SUGT1: variants seen among roughly 807,000 people sequenced by gnomAD.
The protein encoded by SUGT1 is protein SGT1 homolog.
Under a neutral mutation model 56.1 loss-of-function variants are expected in SUGT1, and 15 were observed. The observed-to-expected ratio is 0.27, with a 90% CI of 0.18 to 0.41. The LOEUF is 0.41. Among genes scored for constraint, SUGT1 ranks in the 10% least tolerant of loss-of-function variants. The pLI is 1.00. For missense variants in SUGT1, 347 were observed against 382.2 expected, an observed-to-expected ratio of 0.91 and a Z score of 0.77; for synonymous variants, 123 against 128.6, an observed-to-expected ratio of 0.96 and a Z score of 0.30.
chr13:52,681,849 A>AAAG lies in SUGT1; in HGVS notation c.900+1695_900+1696insAGA, dbSNP rs1555274216. ...ACCCTATCTCTTTAAAAAAAAAAAA[A>AAAG]AGAGAGAGAGAGAGATAGAACATTT... On this transcript the variant is annotated intron_variant, in intron 12 of 12. Coordinates refer to ENST00000310528, the MANE Select transcript of SUGT1 (RefSeq NM_006704.5). Among the ~76,000 whole-genome samples the AAAG allele has an allele frequency of 4.2e-3, 612 of 147,192 alleles. 6 individuals carry two copies. Among genetic ancestry groups the AAAG allele is most frequent in the African/African-American group, 0.014 (556 of 40,044 alleles).
rs537253169 is a variant in SUGT1, at chr13:52,679,657, T to C, written c.719-317T>C. Among the ~76,000 whole-genome samples the C allele has an allele frequency of 3.3e-5, 5 of 152,338 alleles. No homozygotes were observed. In the South Asian group the frequency reaches 1.0e-3, roughly 32 times the overall value. On this transcript the variant is annotated intron_variant, in intron 11 of 12. Transcript: ENST00000310528. Reference sequence around the variant, plus strand: ...GAAAACATAAAAGTTCTGTATACTTTTCATCTAGTTTCTGTTATCAACATG... The same window carrying C: ...GAAAACATAAAAGTTCTGTATACTTCTCATCTAGTTTCTGTTATCAACATG...
chr13:52,667,026 T>C, intron 10 of SUGT1, 107 bp downstream of exon 10: 1 of 705,702 alleles, frequency 1.4e-6, no homozygotes, highest in Non-Finnish European at 2.3e-6. Flanking sequence ...TTCAGCCCTT[T>C]AACAGGGACA....
At chr13:52,677,452 GATGT>G (rs1316231981) in intron 11 of SUGT1, among the ~76,000 whole-genome samples, 2 of 152,176 alleles carry the variant, frequency 1.3e-5, no homozygotes, top group Non-Finnish European at 2.9e-5. Flanking sequence ...TTATTTGAAA[GATGT>G]ATGTGTTTCT....
intron 12 of SUGT1, among the ~76,000 whole-genome samples, chr13:52,683,143 T>C (rs1963443618): frequency 6.6e-6 from 1 of 152,202 alleles, no homozygotes. Flanking sequence ...CCGCACTGTG[T>C]TGAATAAGAG....
Position 52,698,927 on chromosome 13 carries a change from A to AG in SUGT1, c.*11093dup, listed in dbSNP as rs1337069645. 1.3e-5 allele frequency: 2 copies of AG among 152,180 alleles called. No individual in the cohort carries two copies. The highest frequency in any genetic ancestry group is 2.9e-5 in the Non-Finnish European group (2 of 68,042). 9.4% of individuals were successfully genotyped at this position (152,180 alleles called of 1,614,324 possible). A position where few individuals can be genotyped will look rare whatever the true frequency, so the allele number is the denominator to read the frequency against. On this transcript the variant is annotated 3_prime_UTR_variant, in exon 13 of 13. Coordinates refer to ENST00000310528, the MANE Select transcript of SUGT1 (RefSeq NM_006704.5). ...CTGAGATTTTGAATCAGTACCTTTG[A>AG]GAGAGGGTCCAGTAAATCTTTGTTT...
At chr13:52,663,133 C>A in intron 7 of SUGT1, 21 bp downstream of exon 7, 1 of 1,603,108 alleles carries the variant, frequency 6.2e-7, no homozygotes. Flanking sequence ...AGTTTTCATT[C>A]TTCATGTTTT....
intron 5 of SUGT1, among the ~76,000 whole-genome samples, chr13:52,660,996 G>C (rs1271525839): frequency 1.3e-5 from 2 of 152,044 alleles, no homozygotes; most frequent in Non-Finnish European, 2.9e-5. Context: ...ATTTTTTGCA[G>C]AGATGGGGAT....
Position 52,685,576 on chromosome 13 carries a change from G to A in SUGT1, c.901-2158G>A, listed in dbSNP as rs115692688. On this transcript the variant is annotated intron_variant, in intron 12 of 12. Coordinates refer to ENST00000310528, the MANE Select transcript of SUGT1 (RefSeq NM_006704.5). ...TGTCAGATCAAAGATGTCAAGTCAA[G>A]TCAAATCAAAGATCAAAGATAGAAT... is the stretch of plus-strand genomic sequence containing the variant. 5.7e-3 allele frequency among the ~76,000 whole-genome samples: 860 copies of A among 152,074 alleles called. 4 individuals carry two copies. Among genetic ancestry groups the A allele is most frequent in the African/African-American group, 0.02 (831 of 41,508 alleles).
chr13:52,658,988 T>C (rs1962296431), intron 4 of SUGT1, among the ~76,000 whole-genome samples, 191 bp from the exon 5 acceptor site: 1 of 152,100 alleles, frequency 6.6e-6, no homozygotes, highest in Admixed American at 6.5e-5. Flanking sequence ...CTGAAGTGAG[T>C]TCTAAAATTG....
In SUGT1 at chr13:52,653,057, GCTT is replaced by G; in HGVS notation, c.53_55del (p.Phe18del). ...TGTTTTCCTGACAGGTTTTTCCAGA[GCTT>G]CTCGGATGCCCTAATCGACGAGGAC... On this transcript the variant is annotated inframe_deletion, in exon 2 of 13. Coordinates refer to ENST00000310528, the MANE Select transcript of SUGT1 (RefSeq NM_006704.5). 1 of 1,614,166 alleles carries G rather than the reference GCTT, an allele frequency of 6.2e-7. No homozygotes were observed. The highest frequency in any genetic ancestry group is 8.5e-7 in the Non-Finnish European group (1 of 1,180,032).
chr13:52,682,567 G>T lies in SUGT1; in HGVS notation c.900+2412G>T, dbSNP rs566040505. Among the ~76,000 whole-genome samples, 51 of 152,316 alleles carry T rather than the reference G, an allele frequency of 3.3e-4. 1 individual carries two copies. In the South Asian group the frequency reaches 9.9e-3, roughly 30 times the overall value. ...TGTCAAGTGTGAGATTTAACTTGAG[G>T]TTCCTTTTTGTGGGGTGGATAGTAT... On this transcript the variant is annotated intron_variant, in intron 12 of 12. Transcript: ENST00000310528.
intron 11 of SUGT1, 23 bp downstream of exon 11, chr13:52,676,343 G>A (rs1963142889): frequency 1.3e-6 from 2 of 1,575,112 alleles, no homozygotes; most frequent in South Asian, 1.2e-5. Flanking sequence ...GCCTTGATGA[G>A]CTTTATATTC....
At chr13:52,664,180 A>C in intron 8 of SUGT1, 123 bp downstream of exon 8, 2 of 997,164 alleles carry the variant, frequency 2.0e-6, no homozygotes, top group Non-Finnish European at 3.0e-6. Flanking sequence ...GTTTTCTAAA[A>C]TTGTGTAATA....
In SUGT1 at chr13:52,681,185, G is replaced by A. The variant is rs1963357714; in HGVS notation, c.900+1030G>A. Among the ~76,000 whole-genome samples, 5 of 151,728 alleles carry A rather than the reference G, an allele frequency of 3.3e-5. 1 individual carries two copies. The South Asian group carries it at 1.0e-3, about 32-fold the overall frequency. ...TTTTCATCACTTTTGGGAGACTGAGGTGGGAGGATCACTTGAGCTAAAGAT... is the reference window on the plus strand; with the variant it reads ...TTTTCATCACTTTTGGGAGACTGAGATGGGAGGATCACTTGAGCTAAAGAT... On this transcript the variant is annotated intron_variant, in intron 12 of 12. Transcript: ENST00000310528.
At chr13:52,665,560 T>C in intron 8 of SUGT1, 77 bp from the exon 9 acceptor site, 1 of 1,042,482 alleles carries the variant, frequency 9.6e-7, no homozygotes, top group South Asian at 1.6e-5. Context: ...TTGTTGTTTA[T>C]CAGACTAGTT....
In SUGT1 at chr13:52,694,793, A is replaced by G. The variant is rs1034205509; in HGVS notation, c.*6958A>G. The G allele has an allele frequency of 6.6e-6, 1 of 152,438 alleles. No homozygotes were observed. The highest frequency in any genetic ancestry group is 1.9e-4 in the East Asian group (1 of 5,192). 9.4% of individuals were successfully genotyped at this position (152,438 alleles called of 1,614,324 possible). A position where few individuals can be genotyped will look rare whatever the true frequency, so the allele number is the denominator to read the frequency against. ...CAAGCTCCGCCTCCCGGTTCACGCC[A>G]TTCTCATGCCTCAGCCTCCCAAGTA... On this transcript the variant is annotated 3_prime_UTR_variant, in exon 13 of 13. Coordinates refer to ENST00000310528, the MANE Select transcript of SUGT1 (RefSeq NM_006704.5).
rs1963686274 is a variant in SUGT1 at position 52,688,859 on chromosome 13, A to C, written c.*1024A>C. 1 of 152,238 alleles carries C rather than the reference A, an allele frequency of 6.6e-6. No individual in the cohort carries two copies. The highest frequency in any genetic ancestry group is 2.4e-5 in the African/African-American group (1 of 41,456). The allele number at this position is 152,238 out of a possible 1,614,324, so 9.4% of individuals were successfully genotyped here. On this transcript the variant is annotated 3_prime_UTR_variant, in exon 13 of 13. Coordinates refer to ENST00000310528, the MANE Select transcript of SUGT1 (RefSeq NM_006704.5). Reference sequence around the variant, plus strand: ...AAGATTGAATGCTGAACTCGGTATAAATACACTTTAGAGACAGGAAAATGT... The same window carrying C: ...AAGATTGAATGCTGAACTCGGTATACATACACTTTAGAGACAGGAAAATGT...
intron 9 of SUGT1, among the ~76,000 whole-genome samples, chr13:52,666,177 C>T (rs921494495): frequency 2.0e-5 from 3 of 152,208 alleles, no homozygotes; most frequent in African/African-American, 7.2e-5. Context: ...CCTCCTCCTC[C>T]TGGGTTCAAA....
chr13:52,673,904 TAAAG>T (rs1566189339), intron 10 of SUGT1, among the ~76,000 whole-genome samples: 1 of 151,450 alleles, frequency 6.6e-6, no homozygotes, highest in Non-Finnish European at 1.5e-5. Context: ...AGTGACAACT[TAAAG>T]TAACCAGAAT....
Sources: gnomAD v4.1 joint callset for allele counts (sites outside exome capture counted in the v4.1 genomes callset) on GRCh38, gnomAD v4.1.1 for gene constraint, MANE v1.5 for transcripts, NCBI Gene and HGNC (gene_info 2026-07-23, HGNC 2026-07-21) for gene names.